SLC8A1: variants seen among roughly 807,000 people sequenced by gnomAD.
SLC8A1 encodes the protein sodium/calcium exchanger 1.
In SLC8A1, 18 loss-of-function variants were observed where a neutral mutation model predicts 68.3. That is an observed-to-expected ratio of 0.26 (90% CI 0.18 to 0.39). SLC8A1 has a LOEUF of 0.39. Among genes scored for constraint, SLC8A1 ranks in the 10% least tolerant of loss-of-function variants. SLC8A1 has a pLI of 1.00. For missense variants in SLC8A1, 985 were observed against 1,156.7 expected (o/e 0.85, Z 2.15); for synonymous variants, 475 against 415.5 (o/e 1.14, Z -1.74).
intron 2 of SLC8A1, among the ~76,000 whole-genome samples, chr2:40,319,229 A>G (rs1399353324): frequency 6.6e-6 from 1 of 152,070 alleles, no homozygotes; most frequent in Non-Finnish European, 1.5e-5. Context: ...CCTAAATAGA[A>G]CACTTAACAA....
chr2:40,314,915 T>C (rs2074237468), intron 2 of SLC8A1, among the ~76,000 whole-genome samples: 1 of 152,050 alleles, frequency 6.6e-6, no homozygotes, highest in Non-Finnish European at 1.5e-5. Context: ...CAGATTTTTA[T>C]ATAAATAATC....
At chr2:40,175,999 T>G (rs1021756433) in intron 3 of SLC8A1, 1 of 447,630 alleles carries the variant, frequency 2.2e-6, no homozygotes, top group South Asian at 1.6e-5. Flanking sequence ...AGTGGACATA[T>G]CATCCCAGGA....
intron 1 of SLC8A1, among the ~76,000 whole-genome samples, chr2:40,499,641 G>A (rs1485083917): frequency 6.6e-6 from 1 of 152,038 alleles, no homozygotes; most frequent in Non-Finnish European, 1.5e-5. Context: ...GTTTATGGGG[G>A]GAGCCAACTG....
intron 2 of SLC8A1, among the ~76,000 whole-genome samples, chr2:40,204,450 G>T (rs1299534802): frequency 6.6e-6 from 1 of 151,942 alleles, no homozygotes; most frequent in Non-Finnish European, 1.5e-5. Context: ...CAGCAGAAAT[G>T]ACTACACATT....
intron 1 of SLC8A1, among the ~76,000 whole-genome samples, chr2:40,497,645 G>C (rs1705795572): frequency 6.6e-6 from 1 of 151,942 alleles, no homozygotes; most frequent in Admixed American, 6.6e-5. Flanking sequence ...GAGCCACTCT[G>C]ACTAGTTCAG....
At chr2:40,187,545 C>A (rs906092965) in intron 2 of SLC8A1, among the ~76,000 whole-genome samples, 5 of 152,126 alleles carry the variant, frequency 3.3e-5, no homozygotes, top group Admixed American at 3.3e-4. Flanking sequence ...CATAACCTTG[C>A]CCTATTTTAC....
chr2:40,460,181 C>T (rs1438442212), intron 1 of SLC8A1, among the ~76,000 whole-genome samples: 2 of 152,018 alleles, frequency 1.3e-5, no homozygotes, highest in African/African-American at 4.8e-5. Context: ...AATTATGTAT[C>T]TCATGGATCT....
intron 2 of SLC8A1, among the ~76,000 whole-genome samples, chr2:40,379,374 T>C (rs905115303): frequency 6.6e-6 from 1 of 152,128 alleles, no homozygotes; most frequent in Non-Finnish European, 1.5e-5. Flanking sequence ...AATTCTTTTT[T>C]CTTCAATTTT....
chr2:40,179,480 C>T (rs1048196376), intron 2 of SLC8A1, among the ~76,000 whole-genome samples: 4 of 152,132 alleles, frequency 2.6e-5, no homozygotes, highest in Admixed American at 2.6e-4. Flanking sequence ...AATAAACCAA[C>T]CTAATGTTAC....
At chr2:40,199,141 A>C (rs2053652701) in intron 2 of SLC8A1, among the ~76,000 whole-genome samples, 1 of 151,908 alleles carries the variant, frequency 6.6e-6, no homozygotes, top group Non-Finnish European at 1.5e-5. Context: ...TGAAGCTAAA[A>C]AGATGTCCAT....
chr2:40,252,987 A>G (rs10199623), intron 2 of SLC8A1, among the ~76,000 whole-genome samples: 2,009 of 140,624 alleles, frequency 0.014, 43 homozygotes, highest in African/African-American at 0.047. Flanking sequence ...ATGTATCTGT[A>G]TATATGTATA....
chr2:40,311,422 C>A (rs2073645826), intron 2 of SLC8A1, among the ~76,000 whole-genome samples: 1 of 132,578 alleles, frequency 7.5e-6, no homozygotes, highest in Non-Finnish European at 1.5e-5. Flanking sequence ...TCAGATTAGT[C>A]AAAAAATTTT....
intron 2 of SLC8A1, among the ~76,000 whole-genome samples, chr2:40,244,600 C>T (rs770044654): frequency 1.7e-4 from 26 of 149,140 alleles, no homozygotes; most frequent in Non-Finnish European, 3.1e-4. Flanking sequence ...CACCAAACCC[C>T]ACAAACTTTC....
chr2:40,325,988 C>T lies in SLC8A1; in HGVS notation c.1808+102485G>A, dbSNP rs558141268. 2.0e-5 allele frequency among the ~76,000 whole-genome samples: 3 copies of T among 152,158 alleles called. No individual in the cohort carries two copies. In the East Asian group the frequency reaches 5.8e-4, roughly 30 times the overall value. On this transcript the variant is annotated intron_variant, in intron 2 of 7. Transcript: ENST00000406785. ...AATGTCAAGAAGCATGAGCTGCCTT[C>T]TTCACACGCCCACAGGGAAAGTCAG...
At chr2:40,324,382 C>A (rs1373565422) in intron 2 of SLC8A1, among the ~76,000 whole-genome samples, 1 of 152,054 alleles carries the variant, frequency 6.6e-6, no homozygotes, top group Non-Finnish European at 1.5e-5. Flanking sequence ...AAAGATGGGG[C>A]TATTTCAGAG....
At chr2:40,450,159 A>C (rs1218023075) in intron 1 of SLC8A1, among the ~76,000 whole-genome samples, 2 of 152,172 alleles carry the variant, frequency 1.3e-5, no homozygotes, top group African/African-American at 4.8e-5. Context: ...CTAACCTCCC[A>C]ATTAAGCAAG....
exon 5 of SLC8A1, chr2:40,164,970 T>C: frequency 6.2e-7 from 1 of 1,613,866 alleles, no homozygotes; most frequent in Non-Finnish European, 8.5e-7. Context: ...AGTGGCTGCT[T>C]GTCATCATAT....
exon 8 of SLC8A1, chr2:40,109,174 T>A (rs182073177): frequency 1.3e-5 from 2 of 152,292 alleles, no homozygotes; most frequent in African/African-American, 4.8e-5. Flanking sequence ...CTTGGTCTGT[T>A]TGGCTATTAA....
At chr2:40,289,074 T>C (rs1041667327) in intron 2 of SLC8A1, among the ~76,000 whole-genome samples, 3 of 151,812 alleles carry the variant, frequency 2.0e-5, no homozygotes, top group Non-Finnish European at 2.9e-5. Context: ...GAACTAAATG[T>C]AATGCTAAAA....
Sources: gnomAD v4.1 joint callset for allele counts (sites outside exome capture counted in the v4.1 genomes callset) on GRCh38, gnomAD v4.1.1 for gene constraint, MANE v1.5 for transcripts, NCBI Gene and HGNC (gene_info 2026-07-23, HGNC 2026-07-21) for gene names.